The following ANKRD12 variants were observed in gnomAD, a reference collection of about 807,000 sequenced individuals.
The protein encoded by ANKRD12 is ankyrin repeat domain-containing protein 12.
In ANKRD12, 85 loss-of-function variants were observed where a neutral mutation model predicts 183.4. That is an observed-to-expected ratio of 0.46 (90% CI 0.39 to 0.56). The LOEUF is 0.56. ANKRD12 is among the 20% of genes least tolerant of loss of function. The probability of loss-of-function intolerance (pLI) is 0.00; values close to 1 mark genes in which losing one functional copy is unlikely to be tolerated. For missense variants in ANKRD12, 2,405 were observed against 2,357.1 expected, an observed-to-expected ratio of 1.02 and a Z score of -0.42; for synonymous variants, 914 against 800.2, an observed-to-expected ratio of 1.14 and a Z score of -2.40.
chr18:9,211,974 C>T (rs988715772), intron 6 of ANKRD12, among the ~76,000 whole-genome samples, 190 bp downstream of exon 6: 11 of 152,138 alleles, frequency 7.2e-5, no homozygotes, highest in Admixed American at 4.6e-4. Flanking sequence ...TCAATAATTA[C>T]TCATATTTTT....
chr18:9,256,867 C>G lies in ANKRD12; in HGVS notation c.3600C>G (p.Ser1200Arg). ...CAGAAAATGAAAAGCCGGGTCTCAG[C>G]TCCAGATCTGTATCCATGATTTCTG... is the stretch of plus-strand genomic sequence containing the variant. ...PRSENEKPGL[S>R]SRSVSMISVA... is the part of the protein sequence containing the mutation. The change falls in exon 9 of 13, where the codon AGC (serine) becomes AGG (arginine). Residue 1200 changes from serine (S) to arginine (R), a missense_variant. Physicochemically the swap from Ser to Arg is moderately radical, Grantham distance 110 (BLOSUM62 -1). Transcript: ENST00000262126. 6.2e-7 allele frequency: 1 copy of G among 1,613,974 alleles called. No homozygotes were observed. Among genetic ancestry groups the G allele is most frequent in the Non-Finnish European group, 8.5e-7 (1 of 1,179,964 alleles).
chr18:9,182,819 ATATC>A (rs1243740787), intron 2 of ANKRD12, among the ~76,000 whole-genome samples: 2 of 152,074 alleles, frequency 1.3e-5, no homozygotes, highest in African/African-American at 4.8e-5. Context: ...CTGTCTTTTT[ATATC>A]TATCCTTTTT....
chr18:9,221,081 A>G (rs2036395402), intron 7 of ANKRD12, among the ~76,000 whole-genome samples: 1 of 152,164 alleles, frequency 6.6e-6, no homozygotes, highest in South Asian at 2.1e-4. Context: ...CTTTAATACC[A>G]TTATTTTTTT....
chr18:9,214,993 A>G (rs1040251935), intron 6 of ANKRD12, among the ~76,000 whole-genome samples: 4 of 152,180 alleles, frequency 2.6e-5, no homozygotes, highest in African/African-American at 4.8e-5. Context: ...TAACGCCAGC[A>G]AAGGATGGTT....
intron 8 of ANKRD12, 99 bp downstream of exon 8, chr18:9,222,098 A>G: frequency 7.1e-7 from 1 of 1,400,334 alleles, no homozygotes; most frequent in African/African-American, 1.4e-5. Context: ...TGAATACTTT[A>G]GAATAATGCT....
intron 1 of ANKRD12, among the ~76,000 whole-genome samples, chr18:9,157,472 T>C (rs1315495832): frequency 9.9e-5 from 15 of 151,576 alleles, no homozygotes; most frequent in Non-Finnish European, 2.2e-4. Flanking sequence ...AGTCCAAATA[T>C]TGTAAGTCGA....
chr18:9,139,242 A>ACC (rs2078234984), intron 1 of ANKRD12, among the ~76,000 whole-genome samples: 1 of 152,192 alleles, frequency 6.6e-6, no homozygotes, highest in Non-Finnish European at 1.5e-5. Flanking sequence ...CAAGGGGGAA[A>ACC]AAAGCCTGAA....
chr18:9,154,470 C>A (rs2030085811), intron 1 of ANKRD12, among the ~76,000 whole-genome samples: 1 of 152,118 alleles, frequency 6.6e-6, no homozygotes, highest in South Asian at 2.1e-4. Context: ...CACCTGTACT[C>A]CTAGCTGCTT....
At chr18:9,182,317 C>A in intron 1 of ANKRD12, 65 bp from the exon 2 acceptor site, 1 of 203,840 alleles carries the variant, frequency 4.9e-6, no homozygotes, top group Non-Finnish European at 9.2e-6. Context: ...ACAAATTGGA[C>A]TAATTGTGGT....
chr18:9,224,721 G>C (rs1481961195), intron 8 of ANKRD12, among the ~76,000 whole-genome samples: 1 of 152,150 alleles, frequency 6.6e-6, no homozygotes, highest in Non-Finnish European at 1.5e-5. Flanking sequence ...CTATATATAT[G>C]TGTGTAAAGC....
chr18:9,168,805 T>C (rs2032364590), intron 1 of ANKRD12, among the ~76,000 whole-genome samples: 1 of 152,194 alleles, frequency 6.6e-6, no homozygotes, highest in African/African-American at 2.4e-5. Flanking sequence ...CTTTTAATTG[T>C]GATGTTAGGG....
At chr18:9,243,253 A>T (rs1301081695) in intron 8 of ANKRD12, among the ~76,000 whole-genome samples, 1 of 152,196 alleles carries the variant, frequency 6.6e-6, no homozygotes, top group Non-Finnish European at 1.5e-5. Flanking sequence ...CCTGCTGCAG[A>T]TGTGAAATGT....
chr18:9,149,790 TAAA>T (rs75930328), intron 1 of ANKRD12, among the ~76,000 whole-genome samples: 53 of 98,842 alleles, frequency 5.4e-4, no homozygotes, highest in South Asian at 2.1e-3. Flanking sequence ...ATTTATTTAT[TAAA>T]TTTTATTTTT....
intron 10 of ANKRD12, among the ~76,000 whole-genome samples, chr18:9,273,308 A>G (rs1211864919): frequency 6.6e-6 from 1 of 152,190 alleles, no homozygotes. Flanking sequence ...ATATTACATA[A>G]TAATTTTGGG....
At chr18:9,137,530 G>C (rs2078155929) in intron 1 of ANKRD12, 1 of 148,660 alleles carries the variant, frequency 6.7e-6, no homozygotes, top group South Asian at 2.1e-4. Flanking sequence ...GCCGCCAGCC[G>C]CCGAGCGTGC....
chr18:9,258,119 G>A lies in ANKRD12; in HGVS notation c.4852G>A (p.Glu1618Lys), dbSNP rs2038749579. The A allele has an allele frequency of 6.2e-7, 1 of 1,613,412 alleles. No individual in the cohort carries two copies. Among genetic ancestry groups the A allele is most frequent in the African/African-American group, 1.3e-5 (1 of 74,912 alleles). ...KLTYKSSSGHEVENSTTDTQV... is the reference protein window; with the variant it reads ...KLTYKSSSGHKVENSTTDTQV... ...AACTTACAAGTCTTCCAGTGGCCAT[G>A]AAGTTGAGAATAGCACAACTGATAC... The change falls in exon 9 of 13, where the codon GAA (glutamate) becomes AAA (lysine). Residue 1618 changes from glutamate to lysine, a missense_variant. By Grantham distance (56) the Glu-to-Lys change is moderately conservative. Around this residue, in one of 7 missense-constraint regions of ANKRD12, gnomAD observed 1,983 missense variants for 1,725.9 expected, o/e 1.15. Coordinates refer to ENST00000262126, the MANE Select transcript of ANKRD12 (RefSeq NM_015208.5).
In ANKRD12 at chr18:9,258,636, C is replaced by A; in HGVS notation, c.5369C>A (p.Ser1790Ter). Reference sequence around the variant, plus strand: ...CACCATCCACGGAAAAGGAAAGTGTCACGTGTACCTCAGCCTGTGCAAGTG... The same window carrying A: ...CACCATCCACGGAAAAGGAAAGTGTAACGTGTACCTCAGCCTGTGCAAGTG... ...QIHHPRKRKV[S>*]RVPQPVQVSP... The change falls in exon 9 of 13, where the codon TCA (serine) becomes TAA (stop). Residue 1790 changes from serine (S) to a stop codon, truncating the protein, a stop_gained. Coordinates refer to ENST00000262126, the MANE Select transcript of ANKRD12 (RefSeq NM_015208.5). LOFTEE classifies it high-confidence loss of function. The A allele has an allele frequency of 6.2e-7, 1 of 1,613,834 alleles. No individual in the cohort carries two copies. Among genetic ancestry groups the A allele is most frequent in the South Asian group, 1.1e-5 (1 of 91,010 alleles).
In ANKRD12 at chr18:9,172,117, G is replaced by C. The variant is rs143902595; in HGVS notation, c.-51-10265G>C. On this transcript the variant is annotated intron_variant, in intron 1 of 12. Coordinates refer to ENST00000262126, the MANE Select transcript of ANKRD12 (RefSeq NM_015208.5). ...GAGAGGTCTGCTGTTAGTCTGATGT[G>C]TTTCCCTTTGTAGGTGGCCTGGCCT... Among the ~76,000 whole-genome samples the C allele has an allele frequency of 1.6e-3, 241 of 151,178 alleles. 2 individuals are homozygous for C. The highest frequency in any genetic ancestry group is 5.7e-3 in the African/African-American group (234 of 41,248).
At chr18:9,266,373 T>C (rs1006126745) in intron 10 of ANKRD12, among the ~76,000 whole-genome samples, 7 of 152,278 alleles carry the variant, frequency 4.6e-5, no homozygotes, top group East Asian at 1.9e-4. Context: ...AGAGAAAGGT[T>C]GGGTTACCCA....
Sources: gnomAD v4.1 joint callset for allele counts (sites outside exome capture counted in the v4.1 genomes callset) on GRCh38, gnomAD v4.1.1 for gene constraint, gnomAD v4.1.1 regional missense constraint, MANE v1.5 for transcripts, NCBI Gene and HGNC (gene_info 2026-07-23, HGNC 2026-07-21) for gene names.